The following SAMD5 variants were observed in gnomAD, a reference collection of about 807,000 sequenced individuals.
SAMD5 encodes sterile alpha motif domain-containing protein 5.
SAMD5 carries 13 observed loss-of-function variants against 11.3 expected under a neutral mutation model. The ratio of observed to expected loss-of-function variants is 1.15; its 90% CI spans 0.75 to 1.83. The LOEUF (loss-of-function observed/expected upper bound fraction) is 1.83, where lower values mean the gene tolerates loss of function less well. SAMD5 is among the 40% of genes most tolerant of loss of function. SAMD5 has a pLI of 0.00. For missense variants in SAMD5, 255 were observed against 239.1 expected, an observed-to-expected ratio of 1.07 and a Z score of -0.44; for synonymous variants, 129 against 111.3, an observed-to-expected ratio of 1.16 and a Z score of -1.00.
At chr6:147,547,754 CAAG>C (rs1788709039) in intron 1 of SAMD5, among the ~76,000 whole-genome samples, 1 of 152,138 alleles carries the variant, frequency 6.6e-6, no homozygotes, top group African/African-American at 2.4e-5. Context: ...GGGGATTACA[CAAG>C]AAGAGGAATC....
intron 1 of SAMD5, among the ~76,000 whole-genome samples, chr6:147,513,008 C>T (rs922557177): frequency 6.6e-6 from 1 of 152,024 alleles, no homozygotes; most frequent in Non-Finnish European, 1.5e-5. Flanking sequence ...TGAAGAGGAG[C>T]AGGGTCTTAA....
At chr6:147,907,838 T>C in the SAMD5 span, among the ~76,000 whole-genome samples, 1 of 152,248 alleles carries the variant, frequency 6.6e-6, no homozygotes, top group South Asian at 2.1e-4. Flanking sequence ...TTCTCTGTAA[T>C]GATATTTTTT....
intron 1 of SAMD5, among the ~76,000 whole-genome samples, chr6:147,608,822 C>T (rs953029649): frequency 6.6e-6 from 1 of 152,082 alleles, no homozygotes; most frequent in Non-Finnish European, 1.5e-5. Context: ...TGCAACTCAA[C>T]GTATAAATTC....
chr6:147,899,843 G>C, the SAMD5 span, among the ~76,000 whole-genome samples: 4 of 152,200 alleles, frequency 2.6e-5, no homozygotes, highest in Non-Finnish European at 4.4e-5. Context: ...TCTAGGTAGA[G>C]TTAAATTATT....
intron 1 of SAMD5, among the ~76,000 whole-genome samples, chr6:147,525,369 G>A (rs1028727357): frequency 6.7e-6 from 1 of 148,334 alleles, no homozygotes; most frequent in Non-Finnish European, 1.5e-5. Flanking sequence ...TGTGTTGGAG[G>A]CAAGTGTGTC....
the SAMD5 span, among the ~76,000 whole-genome samples, chr6:147,777,018 A>G: frequency 2.0e-5 from 3 of 152,188 alleles, no homozygotes. Context: ...CCCCAACTTG[A>G]TTGATTAGTT....
chr6:147,937,094 G>C, the SAMD5 span, among the ~76,000 whole-genome samples: 7 of 152,284 alleles, frequency 4.6e-5, no homozygotes, highest in African/African-American at 1.4e-4. Flanking sequence ...GGAATCAACA[G>C]TTAATCCTCA....
At chr6:147,862,918 C>T in the SAMD5 span, among the ~76,000 whole-genome samples, 1 of 152,052 alleles carries the variant, frequency 6.6e-6, no homozygotes, top group Non-Finnish European at 1.5e-5. Flanking sequence ...AATATAGAAA[C>T]TGCCCATTGT....
At chr6:147,761,170 A>C in the SAMD5 span, among the ~76,000 whole-genome samples, 6 of 152,282 alleles carry the variant, frequency 3.9e-5, no homozygotes, top group Admixed American at 2.6e-4. Flanking sequence ...TCATTAAAAA[A>C]TAATTTTTGA....
chr6:147,903,991 G>A, the SAMD5 span, among the ~76,000 whole-genome samples: 1 of 151,984 alleles, frequency 6.6e-6, no homozygotes, highest in Admixed American at 6.5e-5. Flanking sequence ...AGAGTATGGA[G>A]TCCCCAGATT....
At chr6:147,948,140 G>A in the SAMD5 span, among the ~76,000 whole-genome samples, 1 of 152,048 alleles carries the variant, frequency 6.6e-6, no homozygotes, top group African/African-American at 2.4e-5. Context: ...TACTGGCACA[G>A]ACATTATTTT....
At chr6:147,724,506 T>C (rs1791598728) in intron 1 of SAMD5, among the ~76,000 whole-genome samples, 2 of 152,162 alleles carry the variant, frequency 1.3e-5, no homozygotes, top group Non-Finnish European at 2.9e-5. Flanking sequence ...TCAGATAAAA[T>C]AACTATGACA....
Position 147,528,120 on chromosome 6 carries a change from C to G in SAMD5, c.459+18733C>G, listed in dbSNP as rs547615796. Among the ~76,000 whole-genome samples, 3 of 152,286 alleles carry G rather than the reference C, an allele frequency of 2.0e-5. No homozygotes were observed. The South Asian group carries it at 6.2e-4, about 32-fold the overall frequency. On this transcript the variant is annotated intron_variant, in intron 1 of 1. Transcript: ENST00000367474. ...AATCATCTCCCACCGGGCTCCACCT[C>G]CAACACTGGGGATTACAATTTGACA...
chr6:147,790,962 T>C, the SAMD5 span, among the ~76,000 whole-genome samples: 10 of 152,056 alleles, frequency 6.6e-5, no homozygotes, highest in South Asian at 2.1e-4. Context: ...TGTGTGTGTA[T>C]GTAAAAACAT....
At chr6:147,804,404 C>T in the SAMD5 span, among the ~76,000 whole-genome samples, 1 of 152,172 alleles carries the variant, frequency 6.6e-6, no homozygotes, top group Non-Finnish European at 1.5e-5. Context: ...GCCACTGCGC[C>T]CAGCCTGAAG....
the SAMD5 span, among the ~76,000 whole-genome samples, chr6:147,831,385 A>T: frequency 6.6e-6 from 1 of 152,144 alleles, no homozygotes; most frequent in Admixed American, 6.5e-5. Context: ...TCCACCCCAA[A>T]TCTGCTCAAG....
intron 1 of SAMD5, among the ~76,000 whole-genome samples, chr6:147,563,948 T>A (rs776550781): frequency 5.9e-5 from 9 of 152,182 alleles, no homozygotes; most frequent in Non-Finnish European, 1.0e-4. Context: ...CAGCTACAAG[T>A]TGAAAAGATA....
At chr6:147,575,674 G>A (rs139106962) in intron 1 of SAMD5, among the ~76,000 whole-genome samples, 302 of 152,270 alleles carry the variant, frequency 2.0e-3, no homozygotes, top group Admixed American at 2.7e-3. Flanking sequence ...GTCATTTTGC[G>A]TGTAACTGCC....
chr6:147,513,875 T>C (rs939489727), intron 1 of SAMD5, among the ~76,000 whole-genome samples: 5 of 152,078 alleles, frequency 3.3e-5, no homozygotes, highest in African/African-American at 7.2e-5. Context: ...TCATGGGAAG[T>C]GGTAACCATG....
Sources: gnomAD v4.1 joint callset for allele counts (sites outside exome capture counted in the v4.1 genomes callset) on GRCh38, gnomAD v4.1.1 for gene constraint, MANE v1.5 for transcripts, NCBI Gene and HGNC (gene_info 2026-07-23, HGNC 2026-07-21) for gene names.